The following BMPR1B variants were observed in gnomAD, a reference collection of about 807,000 sequenced individuals.
BMPR1B encodes the protein bone morphogenetic protein receptor type-1B.
BMPR1B carries 12 observed loss-of-function variants against 59.1 expected under a neutral mutation model. The ratio of observed to expected loss-of-function variants is 0.20; its 90% CI spans 0.13 to 0.33. The LOEUF (loss-of-function observed/expected upper bound fraction) is 0.33, where lower values mean the gene tolerates loss of function less well. Ranked by LOEUF, BMPR1B falls within the 10% of genes least tolerant of loss-of-function variation. BMPR1B has a pLI of 1.00. For missense variants in BMPR1B, 550 were observed against 610.9 expected (o/e 0.90, Z 1.05); for synonymous variants, 237 against 207.3 (o/e 1.14, Z -1.23).
rs115682946 is a variant in BMPR1B, at chr4:95,140,852, G to A, written c.1077-7896G>A. On this transcript the variant is annotated intron_variant, in intron 10 of 12. Coordinates refer to ENST00000515059, the MANE Select transcript of BMPR1B (RefSeq NM_001203.3). The stretch of plus-strand genomic sequence containing the variant: ...ATAGACCTTAAAACAAAAAAGGAAA[G>A]TGAGTATCTATTATATTATAGAAAC... 3.0e-3 allele frequency among the ~76,000 whole-genome samples: 456 copies of A among 152,262 alleles called. 2 individuals carry two copies. The highest frequency in any genetic ancestry group is 0.01 in the African/African-American group (430 of 41,548).
chr4:94,831,825 G>A (rs1160520245), intron 1 of BMPR1B, among the ~76,000 whole-genome samples: 2 of 152,130 alleles, frequency 1.3e-5, no homozygotes, highest in African/African-American at 4.8e-5. Context: ...TCTGTCTCCT[G>A]TCAGATAAGC....
chr4:95,135,167 G>A (rs912559028), intron 10 of BMPR1B, among the ~76,000 whole-genome samples: 1 of 152,136 alleles, frequency 6.6e-6, no homozygotes, highest in Non-Finnish European at 1.5e-5. Context: ...GGGTCAGATA[G>A]TTGTAGATGT....
intron 2 of BMPR1B, among the ~76,000 whole-genome samples, chr4:94,953,279 A>C (rs1206273299): frequency 6.6e-6 from 1 of 152,110 alleles, no homozygotes; most frequent in Admixed American, 6.5e-5. Flanking sequence ...TAATATTGTT[A>C]TGTGTGATTT....
At chr4:94,932,359 C>T (rs1729123607) in intron 2 of BMPR1B, among the ~76,000 whole-genome samples, 1 of 152,078 alleles carries the variant, frequency 6.6e-6, no homozygotes, top group Non-Finnish European at 1.5e-5. Flanking sequence ...ATGGACTTTG[C>T]CCATAAAATA....
At chr4:94,911,360 T>C (rs1361274072) in intron 2 of BMPR1B, among the ~76,000 whole-genome samples, 3 of 152,020 alleles carry the variant, frequency 2.0e-5, no homozygotes, top group South Asian at 2.1e-4. Flanking sequence ...TGGTAATGCC[T>C]GAGCTGTGTT....
intron 1 of BMPR1B, among the ~76,000 whole-genome samples, chr4:94,856,607 A>C (rs1430507381): frequency 6.6e-6 from 1 of 152,246 alleles, no homozygotes; most frequent in Admixed American, 6.5e-5. Context: ...TATCACAGTC[A>C]CTGAGAACTG....
chr4:95,002,118 C>T (rs187572527), intron 3 of BMPR1B, among the ~76,000 whole-genome samples: 8 of 152,228 alleles, frequency 5.3e-5, no homozygotes, highest in African/African-American at 1.9e-4. Context: ...GGTAGTTTTT[C>T]TCTCTTCCTA....
At chr4:94,917,161 G>A (rs1728516111) in intron 2 of BMPR1B, among the ~76,000 whole-genome samples, 1 of 152,244 alleles carries the variant, frequency 6.6e-6, no homozygotes, top group Non-Finnish European at 1.5e-5. Context: ...GCCTGCTACA[G>A]GGGTGGAACC....
Position 95,042,174 on chromosome 4 carries a change from T to G in BMPR1B, c.-18+46040T>G, listed in dbSNP as rs147440923. On this transcript the variant is annotated intron_variant, in intron 3 of 12. Transcript: ENST00000515059. ...CCCAGCCAATCCAAAACTTTTTGAGTACCCACCTAATACGGTAAGTGGAAA... is the reference window on the plus strand; with the variant it reads ...CCCAGCCAATCCAAAACTTTTTGAGGACCCACCTAATACGGTAAGTGGAAA... Among the ~76,000 whole-genome samples the G allele has an allele frequency of 4.1e-3, 620 of 152,280 alleles. 5 individuals carry two copies. The highest frequency in any genetic ancestry group is 0.014 in the African/African-American group (599 of 41,570).
chr4:95,004,494 T>G (rs1362407825), intron 3 of BMPR1B, among the ~76,000 whole-genome samples: 2 of 152,204 alleles, frequency 1.3e-5, no homozygotes, highest in Non-Finnish European at 2.9e-5. Context: ...TTATTTATAT[T>G]CCTCATTTTC....
chr4:95,137,192 G>A (rs1209060427), intron 10 of BMPR1B, among the ~76,000 whole-genome samples: 2 of 152,090 alleles, frequency 1.3e-5, no homozygotes, highest in East Asian at 3.9e-4. Flanking sequence ...TCAGGAGCAG[G>A]TTCAGTTGCC....
chr4:95,014,365 A>C (rs1049944824), intron 3 of BMPR1B, among the ~76,000 whole-genome samples: 18 of 152,342 alleles, frequency 1.2e-4, no homozygotes, highest in African/African-American at 3.8e-4. Flanking sequence ...ATTAAGAATA[A>C]TTAAGTTAAT....
intron 2 of BMPR1B, among the ~76,000 whole-genome samples, chr4:94,959,286 C>T (rs1431056542): frequency 3.3e-5 from 5 of 152,044 alleles, no homozygotes; most frequent in Admixed American, 6.6e-5. Flanking sequence ...TTAAATGATC[C>T]TGTTAGTAAT....
rs777150224 is a variant in BMPR1B at position 94,902,048 on chromosome 4, T to G, written c.-113+26148T>G. 2.7e-3 allele frequency among the ~76,000 whole-genome samples: 102 copies of G among 37,198 alleles called. 1 individual carries two copies. The South Asian group carries it at 0.043, about 16-fold the overall frequency. 24.4% of individuals were successfully genotyped at this position (37,198 alleles called of 152,430 possible). ...TAAGAGGGCTCTGCAGACTGCATGGTGTGTGTGTGTGTGTGTGTGTGTGTG... is the reference window on the plus strand; with the variant it reads ...TAAGAGGGCTCTGCAGACTGCATGGGGTGTGTGTGTGTGTGTGTGTGTGTG... On this transcript the variant is annotated intron_variant, in intron 2 of 12. Coordinates refer to ENST00000515059, the MANE Select transcript of BMPR1B (RefSeq NM_001203.3).
intron 3 of BMPR1B, among the ~76,000 whole-genome samples, chr4:95,043,923 T>G (rs2149176826): frequency 6.6e-6 from 1 of 152,382 alleles, no homozygotes; most frequent in East Asian, 1.9e-4. Flanking sequence ...GTTTGTGTTG[T>G]TGACTTGTCT....
intron 1 of BMPR1B, among the ~76,000 whole-genome samples, chr4:94,767,980 T>G (rs988196100): frequency 6.6e-6 from 1 of 152,000 alleles, no homozygotes; most frequent in South Asian, 2.1e-4. Flanking sequence ...TAAACAGCCA[T>G]ATATAAATGA....
At chr4:95,152,277 TGTA>T (rs2149330098) in intron 11 of BMPR1B, among the ~76,000 whole-genome samples, 1 of 152,276 alleles carries the variant, frequency 6.6e-6, no homozygotes, top group East Asian at 1.9e-4. Flanking sequence ...AACAGTCACA[TGTA>T]GTATGAGTTC....
chr4:95,153,865 A>C (rs1046934219), intron 12 of BMPR1B, among the ~76,000 whole-genome samples: 2 of 152,094 alleles, frequency 1.3e-5, no homozygotes, highest in African/African-American at 4.8e-5. Flanking sequence ...ACAACAACAA[A>C]AACAAAAACA....
chr4:94,873,588 T>C (rs988761588), intron 1 of BMPR1B, among the ~76,000 whole-genome samples: 3 of 151,922 alleles, frequency 2.0e-5, no homozygotes, highest in African/African-American at 7.3e-5. Flanking sequence ...TTGTATTTCT[T>C]TAGTAGAGAT....
Sources: allele counts gnomAD v4.1 joint callset (sites outside exome capture counted in the v4.1 genomes callset), GRCh38; gene constraint gnomAD v4.1.1; transcripts MANE v1.5; gene names NCBI Gene and HGNC (gene_info 2026-07-23, HGNC 2026-07-21).